GMFB: variants seen among roughly 807,000 people sequenced by gnomAD.
GMFB encodes GMF-beta.
A neutral mutation model predicts 25.6 loss-of-function variants in GMFB; 13 were observed. The ratio of observed to expected loss-of-function variants is 0.51; its 90% CI spans 0.33 to 0.81. The LOEUF (loss-of-function observed/expected upper bound fraction) is 0.81, where lower values mean the gene tolerates loss of function less well. Among genes scored for constraint, GMFB ranks in the 30% least tolerant of loss-of-function variants. The pLI is 0.02. For synonymous variants in GMFB, 57 were observed against 56.9 expected, an observed-to-expected ratio of 1.00 and a Z score of 0.00; for missense variants, 146 against 175.4, an observed-to-expected ratio of 0.83 and a Z score of 0.95.
chr14:54,481,042 T>C, intron 4 of GMFB, 86 bp from the exon 5 acceptor site: 1 of 644,880 alleles, frequency 1.6e-6, no homozygotes, highest in Non-Finnish European at 2.8e-6. Context: ...TGCAAGTTTC[T>C]GTCCTATTCT....
At chr14:54,488,478 C>A in intron 1 of GMFB, 1 of 167,466 alleles carries the variant, frequency 6.0e-6, no homozygotes, top group Non-Finnish European at 1.3e-5. Flanking sequence ...TCGAGTCCTC[C>A]CCCAAAACGC....
At chr14:54,482,113 T>C (rs79649217) in intron 3 of GMFB, 40 bp downstream of exon 3, 23,408 of 1,267,492 alleles carry the variant, frequency 0.018, 288 homozygotes, top group South Asian at 0.036. Context: ...GAAATAATAA[T>C]TACTTAACTA....
intron 1 of GMFB, 166 bp downstream of exon 1, chr14:54,488,759 C>T: frequency 1.8e-6 from 1 of 543,480 alleles, no homozygotes; most frequent in Non-Finnish European, 3.1e-6. Context: ...GTGGCGGCGG[C>T]AGAGGCCAAG....
intron 3 of GMFB, among the ~76,000 whole-genome samples, chr14:54,481,737 T>A (rs1001983290): frequency 1.3e-5 from 2 of 152,122 alleles, no homozygotes; most frequent in African/African-American, 2.4e-5. Context: ...AAATACTGAA[T>A]GACATAAGCC....
chr14:54,488,891 C>G (rs561888457), intron 1 of GMFB, 34 bp downstream of exon 1: 1 of 1,548,570 alleles, frequency 6.5e-7, no homozygotes, highest in South Asian at 1.2e-5. Context: ...GCTCGCCCAG[C>G]CCTCCGGCCC....
rs767021938 is a variant in GMFB at position 54,481,440 on chromosome 14, G to A, written c.169C>T (p.Leu57Phe). ...TGTCGTTCAGGTAGTTCATCTTTAA[G>A]TTCATCTGGTGAAATGCCCTGGCAC... The part of the protein sequence containing the change: ...EELEGISPDE[L>F]KDELPERQPR... The change falls in exon 4 of 7, where the codon CTT becomes TTT. Residue 57 changes from leucine (L) to phenylalanine (F), a missense_variant. By Grantham distance (22) the Leu-to-Phe change is conservative (BLOSUM62 0). Transcript: ENST00000358056. 9 of 1,609,276 alleles carry A rather than the reference G, an allele frequency of 5.6e-6. No homozygotes were observed. Among genetic ancestry groups the A allele is most frequent in the Non-Finnish European group, 7.7e-6 (9 of 1,176,002 alleles).
chr14:54,482,459 T>G (rs544617200), intron 2 of GMFB, among the ~76,000 whole-genome samples: 1 of 152,316 alleles, frequency 6.6e-6, no homozygotes, highest in South Asian at 2.1e-4. Flanking sequence ...TTTCTTACAT[T>G]TCCTGTGTAT....
rs1344126740 is a variant in GMFB, at chr14:54,477,164, T to C, written c.*924A>G. ...TTTTTAAAATATGAAGTTGATTTTA[T>C]TACAAATTTCAGATATACACATTAG... On this transcript the variant is annotated 3_prime_UTR_variant, in exon 7 of 7. Coordinates refer to ENST00000358056, the MANE Select transcript of GMFB (RefSeq NM_004124.3). 6.6e-6 allele frequency: 1 copy of C among 152,500 alleles called. No individual in the cohort carries two copies. Among genetic ancestry groups the C allele is most frequent in the Non-Finnish European group, 1.5e-5 (1 of 67,918 alleles). 9.4% of individuals were successfully genotyped at this position (152,500 alleles called of 1,614,324 possible).
rs1040371989 is a variant in GMFB, at chr14:54,476,023, GT to G, written c.*2064del. On this transcript the variant is annotated 3_prime_UTR_variant, in exon 7 of 7. Coordinates refer to ENST00000358056, the MANE Select transcript of GMFB (RefSeq NM_004124.3). ...GAGAACATTTTAGAGCACGGGATTT[GT>G]AAATTTCCCCATAGGACAGATGGAA... 6.6e-6 allele frequency: 1 copy of G among 152,088 alleles called. No homozygotes were observed. The highest frequency in any genetic ancestry group is 2.4e-5 in the African/African-American group (1 of 41,446). The allele number at this position is 152,088 out of a possible 1,614,324, so 9.4% of individuals were successfully genotyped here. A position where few individuals can be genotyped will look rare whatever the true frequency, so the allele number is the denominator to read the frequency against.
intron 2 of GMFB, chr14:54,483,263 T>C (rs779888772): frequency 6.4e-6 from 1 of 157,246 alleles, no homozygotes; most frequent in Non-Finnish European, 1.4e-5. Flanking sequence ...ACTGGAATAA[T>C]GCCCAAAGTC....
intron 1 of GMFB, among the ~76,000 whole-genome samples, chr14:54,484,440 T>G (rs2031756833): frequency 6.6e-6 from 1 of 152,002 alleles, no homozygotes; most frequent in Non-Finnish European, 1.5e-5. Context: ...ATGGAAAACC[T>G]GGAAGCAATG....
intron 1 of GMFB, among the ~76,000 whole-genome samples, chr14:54,485,591 C>T (rs1360230374): frequency 6.6e-6 from 1 of 152,108 alleles, no homozygotes; most frequent in Non-Finnish European, 1.5e-5. Flanking sequence ...TCCATACTAA[C>T]CCAAAGTGAT....
chr14:54,479,612 C>T, intron 6 of GMFB, 174 bp downstream of exon 6: 1 of 482,758 alleles, frequency 2.1e-6, no homozygotes, highest in South Asian at 3.4e-5. Context: ...CACTTTGGTT[C>T]AAACGCTTCT....
intron 2 of GMFB, 58 bp downstream of exon 2, chr14:54,483,613 T>TA: frequency 2.3e-6 from 2 of 870,518 alleles, no homozygotes; most frequent in East Asian, 4.8e-5. Context: ...TCAATGTAGC[T>TA]ACAAGATTAA....
In GMFB at chr14:54,475,225, A is replaced by G. The variant is rs1174647214; in HGVS notation, c.*2863T>C. The G allele has an allele frequency of 6.6e-6, 1 of 152,568 alleles. No homozygotes were observed. The highest frequency in any genetic ancestry group is 1.5e-5 in the Non-Finnish European group (1 of 67,968). 9.5% of individuals were successfully genotyped at this position (152,568 alleles called of 1,614,324 possible). ...ACATTTTTTAAGTACACCTTCCTTA[A>G]TATCTATATGGGTTGGGGGGAACAG... On this transcript the variant is annotated 3_prime_UTR_variant, in exon 7 of 7. Transcript: ENST00000358056.
chr14:54,483,642 T>C (rs1229096832), intron 2 of GMFB, 29 bp downstream of exon 2: 12 of 1,125,382 alleles, frequency 1.1e-5, no homozygotes, highest in African/African-American at 3.1e-5. Context: ...TAAGACCATG[T>C]AACTTTGAGG....
Position 54,488,973 on chromosome 14 carries a change from T to A in GMFB, c.-46A>T. On this transcript the variant is annotated 5_prime_UTR_variant, in exon 1 of 7. Transcript: ENST00000358056. ...GCCTGTCGCCTACACTCGGGCGCCT[T>A]TAAGAATGGCACGGCGGCCGCCTCC... 1 of 1,524,596 alleles carries A rather than the reference T, an allele frequency of 6.6e-7. No homozygotes were observed. Among genetic ancestry groups the A allele is most frequent in the Non-Finnish European group, 8.8e-7 (1 of 1,132,860 alleles). 94.4% of individuals were successfully genotyped at this position (1,524,596 alleles called of 1,614,324 possible). A position where few individuals can be genotyped will look rare whatever the true frequency, so the allele number is the denominator to read the frequency against.
In GMFB at chr14:54,475,469, T is replaced by A. The variant is rs2031626021; in HGVS notation, c.*2619A>T. The A allele has an allele frequency of 6.6e-6, 1 of 152,568 alleles. No homozygotes were observed. The highest frequency in any genetic ancestry group is 2.4e-5 in the African/African-American group (1 of 41,440). 9.5% of individuals were successfully genotyped at this position (152,568 alleles called of 1,614,324 possible). ...AGAGTATGTTTAACTGCACTAGGCA[T>A]TTAGTAAACTTTTAGAACTAGACAA... On this transcript the variant is annotated 3_prime_UTR_variant, in exon 7 of 7. Transcript: ENST00000358056.
Position 54,478,163 on chromosome 14 carries a change from T to TAA in GMFB, c.358-6_358-5dup, listed in dbSNP as rs76915130. 5.0e-3 allele frequency: 4,330 copies of TAA among 862,228 alleles called. No homozygotes were observed. The highest frequency in any genetic ancestry group is 9.5e-3 in the South Asian group (350 of 36,818). 53.4% of individuals were successfully genotyped at this position (862,228 alleles called of 1,614,324 possible). A position where few individuals can be genotyped will look rare whatever the true frequency, so the allele number is the denominator to read the frequency against. On this transcript the variant is annotated splice_polypyrimidine_tract_variant and splice_region_variant and intron_variant, in intron 6 of 6. Coordinates refer to ENST00000358056, the MANE Select transcript of GMFB (RefSeq NM_004124.3). Reference sequence around the variant, plus strand: ...CGGTATTTCTTATTTCAAATACCTTTAAAAAAAAAAAAAACTTGGGTCATA... The same window carrying TAA: ...CGGTATTTCTTATTTCAAATACCTTTAAAAAAAAAAAAAAAACTTGGGTCATA...
Sources: gnomAD v4.1 joint callset for allele counts (sites outside exome capture counted in the v4.1 genomes callset) on GRCh38, gnomAD v4.1.1 for gene constraint, MANE v1.5 for transcripts, NCBI Gene and HGNC (gene_info 2026-07-23, HGNC 2026-07-21) for gene names.